The following DLG2 variants were observed in gnomAD, a reference collection of about 807,000 sequenced individuals.
DLG2 encodes discs large MAGUK scaffold protein 2, also known as disks large homolog 2.
DLG2 carries 45 observed loss-of-function variants against 132.5 expected under a neutral mutation model. The observed-to-expected ratio is 0.34, with a 90% CI of 0.27 to 0.44. The LOEUF (loss-of-function observed/expected upper bound fraction) is 0.44, where lower values mean the gene tolerates loss of function less well. Ranked by LOEUF, DLG2 falls within the 20% of genes least tolerant of loss-of-function variation. The pLI, the probability that DLG2 is intolerant of heterozygous loss-of-function variation, is 1.00. For synonymous variants in DLG2, 424 were observed against 419.6 expected, an observed-to-expected ratio of 1.01 and a Z score of -0.13; for missense variants, 1,045 against 1,196.9, an observed-to-expected ratio of 0.87 and a Z score of 1.87.
At chr11:85,106,814 T>G (rs1299191524) in intron 6 of DLG2, among the ~76,000 whole-genome samples, 2 of 152,028 alleles carry the variant, frequency 1.3e-5, no homozygotes, top group Non-Finnish European at 2.9e-5. Context: ...CAAATTTCAT[T>G]CAATTCTAAA....
intron 17 of DLG2, among the ~76,000 whole-genome samples, chr11:83,795,804 G>A (rs1007265059): frequency 6.6e-6 from 1 of 152,134 alleles, no homozygotes; most frequent in Non-Finnish European, 1.5e-5. Flanking sequence ...CAAAAATGGA[G>A]GAAGTCTTGT....
intron 11 of DLG2, among the ~76,000 whole-genome samples, chr11:84,001,521 C>T (rs1279914254): frequency 6.6e-6 from 1 of 152,000 alleles, no homozygotes; most frequent in East Asian, 1.9e-4. Flanking sequence ...TTCAATATCC[C>T]ACTCGGCATT....
intron 3 of DLG2, among the ~76,000 whole-genome samples, chr11:85,515,041 T>C (rs941383755): frequency 4.6e-5 from 7 of 151,876 alleles, no homozygotes; most frequent in African/African-American, 1.4e-4. Context: ...TAAGGTGGAC[T>C]GTCAAGACAA....
intron 6 of DLG2, among the ~76,000 whole-genome samples, chr11:85,020,255 T>C (rs1232518016): frequency 6.6e-6 from 1 of 152,236 alleles, no homozygotes; most frequent in Non-Finnish European, 1.5e-5. Flanking sequence ...GTTGGCTGCA[T>C]AAATGTCTTC....
intron 6 of DLG2, among the ~76,000 whole-genome samples, chr11:84,902,307 T>C (rs1226479874): frequency 6.6e-6 from 1 of 152,180 alleles, no homozygotes; most frequent in Non-Finnish European, 1.5e-5. Context: ...AGGCTTCTTT[T>C]ACCTTAGCAT....
At chr11:83,480,144 G>T (rs1397558332) in intron 22 of DLG2, among the ~76,000 whole-genome samples, 1 of 152,036 alleles carries the variant, frequency 6.6e-6, no homozygotes, top group Admixed American at 6.6e-5. Flanking sequence ...GGTTGGAATT[G>T]TTTATTAGCA....
chr11:84,420,195 A>T (rs1043657134), intron 7 of DLG2, among the ~76,000 whole-genome samples: 8 of 152,220 alleles, frequency 5.3e-5, no homozygotes, highest in Non-Finnish European at 1.2e-4. Flanking sequence ...TGAAATGGTG[A>T]AACAAGTAAA....
intron 19 of DLG2, among the ~76,000 whole-genome samples, chr11:83,543,621 T>C (rs1235981549): frequency 6.6e-6 from 1 of 152,268 alleles, no homozygotes; most frequent in East Asian, 1.9e-4. Flanking sequence ...ATGATAGCAA[T>C]ACCTCCATTA....
intron 3 of DLG2, among the ~76,000 whole-genome samples, chr11:85,492,983 G>A (rs984765770): frequency 6.6e-6 from 1 of 151,816 alleles, no homozygotes; most frequent in African/African-American, 2.4e-5. Flanking sequence ...AGGAGTTAGC[G>A]CTAAGTATCA....
chr11:83,787,340 T>TTTTTTTTTTTTTTTTTTTTTCTTTTTTG, intron 17 of DLG2, among the ~76,000 whole-genome samples: 1 of 102,746 alleles, frequency 9.7e-6, no homozygotes, highest in Middle Eastern at 8.3e-3. Flanking sequence ...TTTTTTTTTT[T>TTTTTTTTTTTTTTTTTTTTTCTTTTTTG]AGACAGAGTC....
intron 6 of DLG2, among the ~76,000 whole-genome samples, chr11:85,042,608 A>C (rs1342401655): frequency 6.6e-6 from 1 of 152,032 alleles, no homozygotes; most frequent in African/African-American, 2.4e-5. Flanking sequence ...CTCTAAGAAG[A>C]ATGCTTGACA....
chr11:85,151,964 A>C (rs1428580445), intron 5 of DLG2, among the ~76,000 whole-genome samples: 1 of 152,228 alleles, frequency 6.6e-6, no homozygotes, highest in Non-Finnish European at 1.5e-5. Flanking sequence ...CTCATTCCAT[A>C]AAACAAACAA....
intron 7 of DLG2, among the ~76,000 whole-genome samples, chr11:84,503,921 G>A (rs953490517): frequency 6.6e-6 from 1 of 152,024 alleles, no homozygotes; most frequent in Non-Finnish European, 1.5e-5. Context: ...TGTGTACAGA[G>A]ATTTCTATGT....
At chr11:83,537,835 AG>A (rs372722128) in intron 20 of DLG2, among the ~76,000 whole-genome samples, 911 of 79,856 alleles carry the variant, frequency 0.011, 33 homozygotes, top group African/African-American at 0.032. Flanking sequence ...AAAAAAAAAA[AG>A]AGAGAGAGAG....
chr11:85,066,340 G>T (rs1048504474), intron 6 of DLG2, among the ~76,000 whole-genome samples: 43 of 151,522 alleles, frequency 2.8e-4, no homozygotes, highest in Admixed American at 8.6e-4. Flanking sequence ...AGTGACAGAG[G>T]GATTCATAGC....
chr11:84,685,944 T>C (rs11234127), intron 6 of DLG2, among the ~76,000 whole-genome samples: 19,626 of 152,136 alleles, frequency 0.13, 1,577 homozygotes, highest in African/African-American at 0.21. Flanking sequence ...GCCTCGGCCT[T>C]CCAAAGTCCT....
chr11:83,892,796 C>A (rs936798313), intron 15 of DLG2, among the ~76,000 whole-genome samples: 6 of 151,998 alleles, frequency 3.9e-5, no homozygotes, highest in Non-Finnish European at 8.8e-5. Flanking sequence ...CTCGGCTTCC[C>A]AATCACCTAA....
intron 3 of DLG2, among the ~76,000 whole-genome samples, chr11:85,468,759 G>C (rs996321863): frequency 6.6e-6 from 1 of 152,152 alleles, no homozygotes; most frequent in Non-Finnish European, 1.5e-5. Context: ...GAATAGGTGT[G>C]GTGTGGTGCT....
intron 6 of DLG2, among the ~76,000 whole-genome samples, chr11:84,781,025 T>C (rs1395009589): frequency 6.9e-6 from 1 of 145,902 alleles, no homozygotes; most frequent in African/African-American, 2.5e-5. Context: ...GCGACAAGAC[T>C]TCATTGTCTG....
Sources: allele counts gnomAD v4.1 joint callset (sites outside exome capture counted in the v4.1 genomes callset), GRCh38; gene constraint gnomAD v4.1.1; transcripts MANE v1.5; gene names NCBI Gene and HGNC (gene_info 2026-07-23, HGNC 2026-07-21).